Variants in MTMR3 observed in about 807,000 individuals in gnomAD.
MTMR3 encodes the protein phosphatidylinositol-3,5-bisphosphate 3-phosphatase MTMR3.
MTMR3 carries 32 observed loss-of-function variants against 132.4 expected under a neutral mutation model. The observed-to-expected ratio is 0.24, with a 90% confidence interval of 0.18 to 0.32. MTMR3 has a LOEUF of 0.32. Ranked by LOEUF, MTMR3 falls within the 10% of genes least tolerant of loss-of-function variation. The pLI, the probability that MTMR3 is intolerant of heterozygous loss-of-function variation, is 1.00. For missense variants in MTMR3, 1,216 were observed against 1,489.6 expected (o/e 0.82, Z 3.02); for synonymous variants, 556 against 550.3 (o/e 1.01, Z -0.14).
chr22:29,955,982 C>T (rs2066181562), intron 1 of MTMR3, among the ~76,000 whole-genome samples: 1 of 151,984 alleles, frequency 6.6e-6, no homozygotes, highest in African/African-American at 2.4e-5. Context: ...GAACTCTTGA[C>T]CTCAGGTGAT....
intron 1 of MTMR3, among the ~76,000 whole-genome samples, chr22:29,946,994 G>T (rs1014192647): frequency 6.6e-6 from 1 of 152,116 alleles, no homozygotes; most frequent in Non-Finnish European, 1.5e-5. Context: ...ATAGGGTTTA[G>T]GTTAGATTGT....
chr22:29,902,373 A>G (rs1259526272), intron 1 of MTMR3, among the ~76,000 whole-genome samples: 2 of 151,410 alleles, frequency 1.3e-5, no homozygotes, highest in Non-Finnish European at 2.9e-5. Flanking sequence ...TGTTCCTCTA[A>G]GTAGTAGAAT....
chr22:29,982,973 G>GTGTGTGTA (rs992209270), intron 5 of MTMR3: 34 of 148,216 alleles, frequency 2.3e-4, no homozygotes, highest in African/African-American at 8.4e-4. Context: ...GTGTGTGTGT[G>GTGTGTGTA]TGTATGTGTT....
At position 29,953,311 on chromosome 22, in the gene MTMR3, G is replaced by A. The variant is rs375322939; in HGVS notation, c.-137-3725G>A. Among the ~76,000 whole-genome samples the A allele has an allele frequency of 8.5e-5, 13 of 152,288 alleles. 1 individual carries two copies. In the East Asian group the frequency reaches 1.2e-3, roughly 14 times the overall value. On this transcript the variant is annotated intron_variant, in intron 1 of 19. Coordinates refer to ENST00000401950, the MANE Select transcript of MTMR3 (RefSeq NM_021090.4). ...CCAGAGCCTCTTAGTTTTCCCTCATGAATTTGGTTCAGACTTACTAGTTTT... is the reference window on the plus strand; with the variant it reads ...CCAGAGCCTCTTAGTTTTCCCTCATAAATTTGGTTCAGACTTACTAGTTTT...
chr22:29,907,264 T>G (rs2065121520), intron 1 of MTMR3, among the ~76,000 whole-genome samples: 1 of 151,568 alleles, frequency 6.6e-6, no homozygotes, highest in Non-Finnish European at 1.5e-5. Context: ...TAGCCGGGCG[T>G]CGTCGTGGGC....
chr22:29,906,802 G>GGT (rs2065112711), intron 1 of MTMR3, among the ~76,000 whole-genome samples: 1 of 152,132 alleles, frequency 6.6e-6, no homozygotes, highest in African/African-American at 2.4e-5. Context: ...AAATTTGGCT[G>GGT]GTGTGGTGGC....
In MTMR3 at chr22:29,978,973, T is replaced by C; in HGVS notation, c.131T>C (p.Phe44Ser). ...FLELHGESTE[F>S]VGRAEDAIIA... ...GAACTTCATGGAGAGAGCACAGAGT[T>C]TGTGGGCCGTGCCGAGGATGCCATC... The change falls in exon 5 of 20, where the codon TTT becomes TCT. Residue 44 changes from phenylalanine (F) to serine (S), a missense_variant. Phe to Ser is a radical substitution (Grantham distance 155). Transcript: ENST00000401950. 1 of 1,613,948 alleles carries C rather than the reference T, an allele frequency of 6.2e-7. No homozygotes were observed. Among genetic ancestry groups the C allele is most frequent in the Non-Finnish European group, 8.5e-7 (1 of 1,179,912 alleles).
chr22:29,980,326 T>G (rs1036298582), intron 5 of MTMR3: 3 of 152,334 alleles, frequency 2.0e-5, no homozygotes, highest in Admixed American at 2.0e-4. Flanking sequence ...CTTCTAGATT[T>G]GGGCCATGAT....
intron 1 of MTMR3, among the ~76,000 whole-genome samples, chr22:29,941,268 C>A (rs2065852767): frequency 6.6e-6 from 1 of 152,094 alleles, no homozygotes; most frequent in African/African-American, 2.4e-5. Flanking sequence ...GTATGGCAAT[C>A]CATTATAGAA....
At chr22:29,978,339 G>A (rs9614125) in intron 3 of MTMR3, 103 bp from the exon 4 acceptor site, 22,831 of 821,558 alleles carry the variant, frequency 0.028, 451 homozygotes, top group Non-Finnish European at 0.039. Flanking sequence ...GTTCACCTTG[G>A]TCTTTGTACT....
chr22:29,997,521 G>T (rs1200301569), intron 7 of MTMR3: 1 of 152,202 alleles, frequency 6.6e-6, no homozygotes, highest in Non-Finnish European at 1.5e-5. Flanking sequence ...TTTCAAGGAA[G>T]AAAGTTATTT....
intron 1 of MTMR3, among the ~76,000 whole-genome samples, chr22:29,955,730 T>A (rs1364213272): frequency 6.6e-6 from 1 of 152,250 alleles, no homozygotes; most frequent in Non-Finnish European, 1.5e-5. Flanking sequence ...TAGTTAATAA[T>A]GTACCATATT....
chr22:29,943,496 T>C (rs1057409106), intron 1 of MTMR3, among the ~76,000 whole-genome samples: 1 of 152,068 alleles, frequency 6.6e-6, no homozygotes, highest in Admixed American at 6.5e-5. Flanking sequence ...GGCCTTGATG[T>C]GTGTATTTTT....
intron 1 of MTMR3, among the ~76,000 whole-genome samples, chr22:29,919,681 C>A (rs1435945735): frequency 6.6e-6 from 1 of 151,572 alleles, no homozygotes; most frequent in Non-Finnish European, 1.5e-5. Context: ...TGCCACCATG[C>A]CTAGCTAATA....
At chr22:29,922,629 CTG>C in intron 1 of MTMR3, among the ~76,000 whole-genome samples, 1 of 152,262 alleles carries the variant, frequency 6.6e-6, no homozygotes, top group East Asian at 1.9e-4. Flanking sequence ...CTGTGTATAT[CTG>C]TATATCAAGT....
At chr22:29,925,535 C>T (rs1332700982) in intron 1 of MTMR3, among the ~76,000 whole-genome samples, 2 of 149,858 alleles carry the variant, frequency 1.3e-5, no homozygotes, top group Non-Finnish European at 2.9e-5. Flanking sequence ...AAAAATAATA[C>T]CTACCTTTTT....
At chr22:29,957,316 C>T (rs1254361321) in intron 2 of MTMR3, among the ~76,000 whole-genome samples, 1 of 149,036 alleles carries the variant, frequency 6.7e-6, no homozygotes, top group African/African-American at 2.5e-5. Context: ...TATATAATTG[C>T]ACTGTAATAG....
chr22:29,939,054 T>A (rs2145806702), intron 1 of MTMR3, among the ~76,000 whole-genome samples: 1 of 152,158 alleles, frequency 6.6e-6, no homozygotes, highest in South Asian at 2.1e-4. Flanking sequence ...ACTCCTGACC[T>A]CAAATGATAT....
chr22:30,019,835 G>C lies in MTMR3; in HGVS notation c.2176G>C (p.Glu726Gln). 3 of 1,614,202 alleles carry C rather than the reference G, an allele frequency of 1.9e-6. No individual in the cohort carries two copies. The highest frequency in any genetic ancestry group is 2.5e-6 in the Non-Finnish European group (3 of 1,180,030). Residue 726 changes from glutamate to glutamine, a missense_variant, in exon 17 of 20, where the codon GAG becomes CAG. This residue lies in a region of MTMR3 where 852 missense variants were observed against 852.0 expected (regional missense o/e 1.00). Transcript: ENST00000401950. Reference protein sequence around the residue: ...EGKEDPLLEKESRRKTPEASA... With the variant: ...EGKEDPLLEKQSRRKTPEASA... ...TAAAGAGGACCCTCTCTTAGAAAAG[G>C]AGAGCAGGAGGAAGACACCTGAGGC...
Sources: allele counts gnomAD v4.1 joint callset (sites outside exome capture counted in the v4.1 genomes callset), GRCh38; gene constraint gnomAD v4.1.1; regional missense constraint gnomAD v4.1.1; transcripts MANE v1.5; gene names NCBI Gene and HGNC (gene_info 2026-07-23, HGNC 2026-07-21).